The following FLRT2 variants were observed in gnomAD, a reference collection of about 807,000 sequenced individuals.
The protein encoded by FLRT2 is leucine-rich repeat transmembrane protein FLRT2.
A neutral mutation model predicts 40.0 loss-of-function variants in FLRT2; 15 were observed. That is an observed-to-expected ratio of 0.38 (90% CI 0.25 to 0.58). The LOEUF (loss-of-function observed/expected upper bound fraction) is 0.58. Among genes scored for constraint, FLRT2 ranks in the 20% least tolerant of loss-of-function variants. The pLI is 0.71. For synonymous variants in FLRT2, 380 were observed against 336.8 expected (o/e 1.13, Z -1.41); for missense variants, 726 against 840.0 (o/e 0.86, Z 1.68).
chr14:85,598,493 T>C (rs139005249), intron 1 of FLRT2, among the ~76,000 whole-genome samples: 9 of 152,298 alleles, frequency 5.9e-5, no homozygotes, highest in African/African-American at 1.7e-4. Flanking sequence ...TGGGAGCAGA[T>C]TCAGAAAACC....
At chr14:85,538,826 C>G (rs1223824724) in intron 1 of FLRT2, among the ~76,000 whole-genome samples, 1 of 152,038 alleles carries the variant, frequency 6.6e-6, no homozygotes, top group African/African-American at 2.4e-5. Context: ...GCATATCAGT[C>G]CTGAAATAGG....
intron 1 of FLRT2, among the ~76,000 whole-genome samples, chr14:85,584,588 T>G (rs1490087929): frequency 2.0e-5 from 3 of 152,146 alleles, no homozygotes; most frequent in Non-Finnish European, 2.9e-5. Flanking sequence ...AGGACAGACA[T>G]CCTTCTCTGG....
At position 85,565,397 on chromosome 14, in the gene FLRT2, A is replaced by G. The variant is rs74068764; in HGVS notation, c.-377+34863A>G. ...GAAGTGTGGATATGTGACAGGTGGA[A>G]TCTACAATTGTTTTATTGGGCTGGA... On this transcript the variant is annotated intron_variant, in intron 1 of 1. Transcript: ENST00000330753. 4.1e-3 allele frequency among the ~76,000 whole-genome samples: 624 copies of G among 152,232 alleles called. 5 individuals are homozygous for G. Among genetic ancestry groups the G allele is most frequent in the African/African-American group, 0.014 (593 of 41,516 alleles).
chr14:85,639,132 C>G lies in FLRT2; in HGVS notation c.*15635C>G, dbSNP rs1244769131. ...AGTCTCTATTCTGTAACAAGGTTTT[C>G]TCATGATCCAGTTATTTTAAGGATA... On this transcript the variant is annotated 3_prime_UTR_variant, in exon 2 of 2. Coordinates refer to ENST00000330753, the MANE Select transcript of FLRT2 (RefSeq NM_013231.6). 1 of 152,172 alleles carries G rather than the reference C, an allele frequency of 6.6e-6. No homozygotes were observed. The highest frequency in any genetic ancestry group is 6.5e-5 in the Admixed American group (1 of 15,284). The allele number at this position is 152,172 out of a possible 1,614,324, so 9.4% of individuals were successfully genotyped here. A position where few individuals can be genotyped will look rare whatever the true frequency, so the allele number is the denominator to read the frequency against.
chr14:85,567,325 G>A (rs1460164575), intron 1 of FLRT2, among the ~76,000 whole-genome samples: 3 of 152,026 alleles, frequency 2.0e-5, no homozygotes, highest in Non-Finnish European at 4.4e-5. Context: ...AGCTTCCTTC[G>A]GCATCTTCCT....
chr14:85,566,700 G>A (rs1481211397), intron 1 of FLRT2, among the ~76,000 whole-genome samples: 1 of 150,834 alleles, frequency 6.6e-6, no homozygotes, highest in Non-Finnish European at 1.5e-5. Flanking sequence ...TCCTGGCCTG[G>A]TTGCAGGGGA....
chr14:85,592,641 T>C (rs1357231333), intron 1 of FLRT2, among the ~76,000 whole-genome samples: 1 of 142,832 alleles, frequency 7.0e-6, no homozygotes, highest in Non-Finnish European at 1.5e-5. Flanking sequence ...ATACAAAAAT[T>C]AGTCGAGCAT....
At chr14:85,597,767 G>C (rs1892207056) in intron 1 of FLRT2, among the ~76,000 whole-genome samples, 1 of 152,186 alleles carries the variant, frequency 6.6e-6, no homozygotes, top group African/African-American at 2.4e-5. Flanking sequence ...TAAACAACTT[G>C]TGAGGAGTCC....
At chr14:85,618,880 C>A (rs1267203218) in intron 1 of FLRT2, among the ~76,000 whole-genome samples, 1 of 151,970 alleles carries the variant, frequency 6.6e-6, no homozygotes, top group East Asian at 1.9e-4. Flanking sequence ...ACTTGAGTAC[C>A]AAGATGTTAG....
chr14:85,614,342 T>G (rs1893026787), intron 1 of FLRT2, among the ~76,000 whole-genome samples: 1 of 150,160 alleles, frequency 6.7e-6, no homozygotes. Context: ...TCCCAACAAT[T>G]TCCTAAGCAC....
At chr14:85,571,660 G>C (rs997935195) in intron 1 of FLRT2, among the ~76,000 whole-genome samples, 1 of 152,150 alleles carries the variant, frequency 6.6e-6, no homozygotes, top group Non-Finnish European at 1.5e-5. Flanking sequence ...TCAGCATGGG[G>C]ACAGAGCCAA....
intron 1 of FLRT2, among the ~76,000 whole-genome samples, chr14:85,574,536 A>G (rs1376075257): frequency 6.6e-6 from 1 of 152,142 alleles, no homozygotes; most frequent in Non-Finnish European, 1.5e-5. Context: ...AGTCCTTTTG[A>G]GAACCATTAT....
In FLRT2 at chr14:85,622,979, T is replaced by C; in HGVS notation, c.1465T>C (p.Tyr489His). The change falls in exon 2 of 2, where the codon TAT (tyrosine) becomes CAT (histidine). Residue 489 changes from tyrosine to histidine, a missense_variant. Transcript: ENST00000330753. ...SLVNLEPRST[Y>H]RICLVPLDAF... The stretch of plus-strand genomic sequence containing the variant: ...GGTTAACTTAGAGCCCCGATCCACC[T>C]ATCGGATTTGTTTAGTGCCACTGGA... 6.2e-7 allele frequency: 1 copy of C among 1,614,168 alleles called. No individual in the cohort carries two copies. The highest frequency in any genetic ancestry group is 8.5e-7 in the Non-Finnish European group (1 of 1,180,022).
At chr14:85,582,949 AT>A (rs1483112095) in intron 1 of FLRT2, among the ~76,000 whole-genome samples, 13 of 151,778 alleles carry the variant, frequency 8.6e-5, no homozygotes, top group Admixed American at 6.6e-4. Flanking sequence ...TCATTGTTTG[AT>A]TTCACAGCTC....
chr14:85,623,587 A>C lies in FLRT2; in HGVS notation c.*90A>C. On this transcript the variant is annotated 3_prime_UTR_variant, in exon 2 of 2. Transcript: ENST00000330753. ...CATAAAGACACGCAGATTACATTTG[A>C]TAAATGTTACACAGATGCATTTGTG... 2 of 1,049,694 alleles carry C rather than the reference A, an allele frequency of 1.9e-6. No individual in the cohort carries two copies. The highest frequency in any genetic ancestry group is 2.6e-6 in the Non-Finnish European group (2 of 771,792). The allele number at this position is 1,049,694 out of a possible 1,614,324, so 65.0% of individuals were successfully genotyped here.
At chr14:85,576,982 T>C (rs1566736435) in intron 1 of FLRT2, among the ~76,000 whole-genome samples, 1 of 152,248 alleles carries the variant, frequency 6.6e-6, no homozygotes, top group Non-Finnish European at 1.5e-5. Context: ...TCTTAAATAC[T>C]GTTATTCTTC....
rs991645034 is a variant in FLRT2 at position 85,644,015 on chromosome 14, G to A, written c.*20518G>A. ...TTGTACCTGAATTGTGCAAATGAAG[G>A]AAAGATGCAGGTTTGGCAAATTGAA... On this transcript the variant is annotated 3_prime_UTR_variant, in exon 2 of 2. Transcript: ENST00000330753. 6.6e-6 allele frequency: 1 copy of A among 152,190 alleles called. No homozygotes were observed. The highest frequency in any genetic ancestry group is 2.1e-4 in the South Asian group (1 of 4,830). 9.4% of individuals were successfully genotyped at this position (152,190 alleles called of 1,614,324 possible). A position where few individuals can be genotyped will look rare whatever the true frequency, so the allele number is the denominator to read the frequency against.
chr14:85,590,556 T>C (rs1891835550), intron 1 of FLRT2, among the ~76,000 whole-genome samples: 3 of 152,140 alleles, frequency 2.0e-5, no homozygotes, highest in Non-Finnish European at 4.4e-5. Context: ...ATCATGCATA[T>C]GGAGAAGGGA....
At chr14:85,596,847 G>A (rs1270744077) in intron 1 of FLRT2, among the ~76,000 whole-genome samples, 2 of 152,030 alleles carry the variant, frequency 1.3e-5, no homozygotes, top group Non-Finnish European at 2.9e-5. Flanking sequence ...TACTGAGCTG[G>A]GAGAGAGCAT....
Sources: gnomAD v4.1 joint callset for allele counts (sites outside exome capture counted in the v4.1 genomes callset) on GRCh38, gnomAD v4.1.1 for gene constraint, MANE v1.5 for transcripts, NCBI Gene and HGNC (gene_info 2026-07-23, HGNC 2026-07-21) for gene names.